Variants in GRIK2 observed in about 807,000 individuals in gnomAD.
The protein encoded by GRIK2 is glutamate receptor ionotropic, kainate 2.
A neutral mutation model predicts 100.3 loss-of-function variants in GRIK2; 32 were observed. That is an observed-to-expected ratio of 0.32 (90% CI 0.24 to 0.43). The LOEUF is 0.43. GRIK2 is among the 20% of genes least tolerant of loss of function. GRIK2 has a pLI of 1.00. For synonymous variants in GRIK2, 417 were observed against 389.4 expected (o/e 1.07, Z -0.83); for missense variants, 843 against 1,114.9 (o/e 0.76, Z 3.47).
intron 10 of GRIK2, among the ~76,000 whole-genome samples, chr6:101,846,861 T>C (rs1783840616): frequency 6.6e-6 from 1 of 152,050 alleles, no homozygotes; most frequent in South Asian, 2.1e-4. Context: ...AGGCCCTCTT[T>C]TTTCATCTGA....
chr6:101,740,849 A>C (rs1008891371), intron 7 of GRIK2, among the ~76,000 whole-genome samples: 1 of 152,166 alleles, frequency 6.6e-6, no homozygotes, highest in African/African-American at 2.4e-5. Flanking sequence ...GAACTTACTC[A>C]TTAGCATGGG....
At chr6:102,038,697 T>C (rs1287374279) in intron 15 of GRIK2, among the ~76,000 whole-genome samples, 1 of 140,822 alleles carries the variant, frequency 7.1e-6, no homozygotes, top group African/African-American at 2.5e-5. Context: ...AAATATTCCT[T>C]GAGGTTCTTG....
chr6:101,820,464 T>C (rs1781888016), intron 10 of GRIK2, among the ~76,000 whole-genome samples: 1 of 151,338 alleles, frequency 6.6e-6, no homozygotes, highest in Admixed American at 6.6e-5. Flanking sequence ...CTCCTTCTTC[T>C]TCGATGGAGT....
chr6:101,649,168 T>C (rs1000859495), intron 4 of GRIK2, among the ~76,000 whole-genome samples: 1 of 152,116 alleles, frequency 6.6e-6, no homozygotes, highest in Non-Finnish European at 1.5e-5. Flanking sequence ...CTTCTAACTG[T>C]GCTCTCTCCT....
intron 13 of GRIK2, chr6:101,927,873 C>T (rs1373195800): frequency 6.5e-6 from 1 of 153,536 alleles, no homozygotes; most frequent in Non-Finnish European, 1.4e-5. Flanking sequence ...ACACTAAAAC[C>T]CCACATCATT....
intron 14 of GRIK2, among the ~76,000 whole-genome samples, chr6:101,960,440 T>G (rs1792226024): frequency 6.6e-6 from 1 of 152,164 alleles, no homozygotes; most frequent in Non-Finnish European, 1.5e-5. Context: ...TGTTAGTTCC[T>G]TCTCATCCTG....
At chr6:102,044,785 C>A (rs1770793848) in intron 15 of GRIK2, among the ~76,000 whole-genome samples, 1 of 151,908 alleles carries the variant, frequency 6.6e-6, no homozygotes, top group African/African-American at 2.4e-5. Flanking sequence ...GTTGGGTTTC[C>A]TTCTGCCTGA....
At chr6:101,626,716 ATTC>A in intron 4 of GRIK2, 79 bp downstream of exon 4, 3 of 1,255,098 alleles carry the variant, frequency 2.4e-6, no homozygotes, top group Non-Finnish European at 3.4e-6. Context: ...TTCTTATTGT[ATTC>A]TTATGTGCTT....
intron 14 of GRIK2, among the ~76,000 whole-genome samples, chr6:101,958,018 G>A (rs192336154): frequency 3.3e-4 from 50 of 151,884 alleles, no homozygotes; most frequent in Non-Finnish European, 5.3e-4. Flanking sequence ...CTATATTTTG[G>A]TTTCATATTA....
chr6:101,628,777 A>G (rs1387550020), intron 4 of GRIK2, among the ~76,000 whole-genome samples: 2 of 152,126 alleles, frequency 1.3e-5, no homozygotes, highest in African/African-American at 2.4e-5. Flanking sequence ...CATTATATAC[A>G]TATGTGCATG....
intron 7 of GRIK2, among the ~76,000 whole-genome samples, chr6:101,699,223 CTG>C (rs1772706155): frequency 6.6e-6 from 1 of 152,142 alleles, no homozygotes; most frequent in Non-Finnish European, 1.5e-5. Flanking sequence ...ATGGTTATCT[CTG>C]TTTATCCTTT....
intron 4 of GRIK2, among the ~76,000 whole-genome samples, chr6:101,661,087 C>T (rs2128333863): frequency 6.6e-6 from 1 of 152,294 alleles, no homozygotes; most frequent in African/African-American, 2.4e-5. Context: ...GCTGCCCCTT[C>T]CCTCAGGTGC....
intron 4 of GRIK2, among the ~76,000 whole-genome samples, chr6:101,644,217 T>G (rs1422562431): frequency 6.6e-6 from 1 of 151,828 alleles, no homozygotes; most frequent in African/African-American, 2.4e-5. Flanking sequence ...ATAAAAGTGT[T>G]ATGGCAAACT....
intron 2 of GRIK2, among the ~76,000 whole-genome samples, chr6:101,490,641 A>C (rs1243422548): frequency 6.8e-6 from 1 of 146,706 alleles, no homozygotes; most frequent in Non-Finnish European, 1.5e-5. Context: ...TGTTGATAAA[A>C]GGTATCGTTG....
At chr6:101,959,031 C>T (rs1015612960) in intron 14 of GRIK2, among the ~76,000 whole-genome samples, 6 of 152,020 alleles carry the variant, frequency 3.9e-5, no homozygotes, top group African/African-American at 9.7e-5. Context: ...CAGGGTGATA[C>T]TGGCTTCATA....
chr6:101,848,172 A>T (rs1024252923), intron 10 of GRIK2, among the ~76,000 whole-genome samples: 4 of 152,144 alleles, frequency 2.6e-5, no homozygotes, highest in Non-Finnish European at 5.9e-5. Context: ...AGGAGTATCA[A>T]ATAGTATCAA....
At chr6:101,428,322 CT>C (rs1259728605) in intron 2 of GRIK2, among the ~76,000 whole-genome samples, 2 of 152,186 alleles carry the variant, frequency 1.3e-5, no homozygotes, top group African/African-American at 4.8e-5. Context: ...TGCTGCCTTC[CT>C]TATTGAAGTG....
intron 11 of GRIK2, among the ~76,000 whole-genome samples, chr6:101,871,475 AT>A (rs1249874735): frequency 2.0e-5 from 3 of 151,034 alleles, no homozygotes; most frequent in Non-Finnish European, 4.4e-5. Flanking sequence ...GCATGATCCC[AT>A]AACCCCGATA....
intron 7 of GRIK2, among the ~76,000 whole-genome samples, chr6:101,692,967 A>G (rs566272867): frequency 2.0e-5 from 3 of 152,206 alleles, no homozygotes; most frequent in South Asian, 2.1e-4. Context: ...GAATGGCACT[A>G]TATTTCTTTA....
Sources: allele counts gnomAD v4.1 joint callset (sites outside exome capture counted in the v4.1 genomes callset), GRCh38; gene constraint gnomAD v4.1.1; transcripts MANE v1.5; gene names NCBI Gene and HGNC (gene_info 2026-07-23, HGNC 2026-07-21).